RBFOX1: variants seen among roughly 807,000 people sequenced by gnomAD.
RBFOX1 encodes RNA binding protein fox-1 homolog 1.
RBFOX1 carries 8 observed loss-of-function variants against 57.7 expected under a neutral mutation model. The observed-to-expected ratio is 0.14, with a 90% CI of 0.08 to 0.25. RBFOX1 has a LOEUF of 0.25. RBFOX1 is among the 10% of genes least tolerant of loss of function. The pLI, the probability that RBFOX1 is intolerant of heterozygous loss-of-function variation, is 1.00. For missense variants in RBFOX1, 611 were observed against 548.5 expected, an observed-to-expected ratio of 1.11 and a Z score of -1.14; for synonymous variants, 326 against 222.4, an observed-to-expected ratio of 1.47 and a Z score of -4.15.
intron 3 of RBFOX1, among the ~76,000 whole-genome samples, chr16:6,835,124 A>G (rs756752742): frequency 1.3e-5 from 2 of 151,898 alleles, no homozygotes; most frequent in African/African-American, 4.8e-5. Flanking sequence ...GATGGTCTCA[A>G]TCTCCTGACC....
intron 4 of RBFOX1, among the ~76,000 whole-genome samples, chr16:7,242,303 A>T (rs1436805176): frequency 6.6e-6 from 1 of 152,196 alleles, no homozygotes; most frequent in Non-Finnish European, 1.5e-5. Context: ...CACATGGAAA[A>T]ATAAATAATA....
At chr16:6,004,896 C>T (rs1187980714) in intron 4 of RBFOX1, among the ~76,000 whole-genome samples, 2 of 152,154 alleles carry the variant, frequency 1.3e-5, no homozygotes, top group Admixed American at 6.6e-5. Flanking sequence ...ATTTCTTAGT[C>T]AAGCGTGCAG....
intron 1 of RBFOX1, among the ~76,000 whole-genome samples, chr16:6,314,342 GT>G (rs554675272): frequency 5.4e-4 from 82 of 152,298 alleles, no homozygotes; most frequent in Middle Eastern, 3.4e-3. Context: ...GGTAGGCCAA[GT>G]CCACAAAAAG....
chr16:7,182,083 G>A (rs188359713), intron 4 of RBFOX1, among the ~76,000 whole-genome samples: 2 of 152,180 alleles, frequency 1.3e-5, no homozygotes, highest in African/African-American at 4.8e-5. Flanking sequence ...GTCTTCAGAA[G>A]CTTGTTCATG....
chr16:7,058,000 T>A lies in RBFOX1; in HGVS notation c.27+5902T>A, dbSNP rs1439440876. ...TCCAGTCTGGTCGACAGAGGGAGAC[T>A]GTGGGGAAAAAAAAAAAAAAAACAC... On this transcript the variant is annotated intron_variant, in intron 4 of 15. Coordinates refer to ENST00000550418, the MANE Select transcript of RBFOX1 (RefSeq NM_018723.4). Among the ~76,000 whole-genome samples, 4 of 48,798 alleles carry A rather than the reference T, an allele frequency of 8.2e-5. No homozygotes were observed. In the East Asian group the frequency reaches 5.1e-3, roughly 62 times the overall value. 32.0% of individuals were successfully genotyped at this position (48,798 alleles called of 152,430 possible). A position where few individuals can be genotyped will look rare whatever the true frequency, so the allele number is the denominator to read the frequency against.
At chr16:7,681,711 A>C (rs4787059) in intron 14 of RBFOX1, among the ~76,000 whole-genome samples, 64,342 of 151,864 alleles carry the variant, frequency 0.42, 14,663 homozygotes, top group Non-Finnish European at 0.51. Flanking sequence ...TATGGACATT[A>C]TGTTTTCATT....
chr16:7,709,144 T>C lies in RBFOX1; in HGVS notation c.1071+13T>C. ...CGTTGGTGCCATGGTGAGTACAAGTTTCTCCTTGTCCTCACTTCCTCCTGC... is the reference window on the plus strand; with the variant it reads ...CGTTGGTGCCATGGTGAGTACAAGTCTCTCCTTGTCCTCACTTCCTCCTGC... On this transcript the variant is annotated intron_variant, in intron 15 of 15. Transcript: ENST00000550418. The C allele has an allele frequency of 6.2e-7, 1 of 1,603,232 alleles. No individual in the cohort carries two copies. The highest frequency in any genetic ancestry group is 1.1e-5 in the South Asian group (1 of 90,672).
At chr16:5,573,663 T>G (rs867493387) in intron 2 of RBFOX1, among the ~76,000 whole-genome samples, 7 of 152,224 alleles carry the variant, frequency 4.6e-5, no homozygotes, top group African/African-American at 1.7e-4. Flanking sequence ...CCAAGGCTCC[T>G]CTCTAAGAAA....
chr16:5,700,024 G>A (rs932466372), intron 3 of RBFOX1, among the ~76,000 whole-genome samples: 1 of 152,050 alleles, frequency 6.6e-6, no homozygotes, highest in Non-Finnish European at 1.5e-5. Context: ...AGTAGAGACG[G>A]GGTTTTACCG....
intron 2 of RBFOX1, among the ~76,000 whole-genome samples, chr16:6,574,970 G>A (rs1328077817): frequency 2.6e-5 from 4 of 151,268 alleles, no homozygotes; most frequent in Non-Finnish European, 4.4e-5. Context: ...CCTGGGAGGC[G>A]GAGCTTGCAG....
At chr16:6,062,966 A>G (rs1361995371) in intron 1 of RBFOX1, among the ~76,000 whole-genome samples, 1 of 152,154 alleles carries the variant, frequency 6.6e-6, no homozygotes, top group Non-Finnish European at 1.5e-5. Flanking sequence ...CAGAAAACCC[A>G]TCTTTGCCCT....
intron 4 of RBFOX1, among the ~76,000 whole-genome samples, chr16:7,306,675 A>C (rs1603617091): frequency 6.6e-6 from 1 of 152,110 alleles, no homozygotes; most frequent in East Asian, 1.9e-4. Context: ...TGTTTCATTC[A>C]GAATTAGGTT....
chr16:5,504,650 A>G (rs992128133), intron 2 of RBFOX1, among the ~76,000 whole-genome samples: 3 of 152,252 alleles, frequency 2.0e-5, no homozygotes, highest in African/African-American at 7.2e-5. Flanking sequence ...GAGCAGATGT[A>G]CTGTCTACCA....
intron 10 of RBFOX1, among the ~76,000 whole-genome samples, chr16:7,618,051 A>G (rs112638224): frequency 0.014 from 2,144 of 152,194 alleles, 23 homozygotes; most frequent in Non-Finnish European, 0.023. Flanking sequence ...ATACCTACTG[A>G]TGGGAATTTC....
intron 4 of RBFOX1, among the ~76,000 whole-genome samples, chr16:5,986,069 T>G (rs1279905608): frequency 3.3e-5 from 5 of 151,922 alleles, no homozygotes; most frequent in South Asian, 2.1e-4. Flanking sequence ...CTTTTTTTTT[T>G]TTTTGTTTTC....
chr16:6,686,168 C>G (rs2059410849), intron 3 of RBFOX1, among the ~76,000 whole-genome samples: 1 of 152,182 alleles, frequency 6.6e-6, no homozygotes, highest in Non-Finnish European at 1.5e-5. Context: ...TGTGAAGGAA[C>G]AAATCCCTTC....
chr16:6,292,259 C>G (rs1169072604), intron 1 of RBFOX1, among the ~76,000 whole-genome samples: 4 of 151,922 alleles, frequency 2.6e-5, no homozygotes, highest in Non-Finnish European at 4.4e-5. Context: ...GATGCCATCT[C>G]TAAAAATAAA....
At chr16:6,351,308 A>C (rs998535415) in intron 2 of RBFOX1, among the ~76,000 whole-genome samples, 13 of 146,392 alleles carry the variant, frequency 8.9e-5, no homozygotes, top group African/African-American at 1.7e-4. Flanking sequence ...GTATACATAA[A>C]ATATATATAT....
intron 4 of RBFOX1, among the ~76,000 whole-genome samples, chr16:7,245,239 GA>G (rs373446929): frequency 3.4e-4 from 52 of 152,016 alleles, no homozygotes; most frequent in African/African-American, 1.2e-3. Flanking sequence ...TATAGTTATA[GA>G]ATTCTAGATT....
Sources: gnomAD v4.1 joint callset for allele counts (sites outside exome capture counted in the v4.1 genomes callset) on GRCh38, gnomAD v4.1.1 for gene constraint, MANE v1.5 for transcripts, NCBI Gene and HGNC (gene_info 2026-07-23, HGNC 2026-07-21) for gene names.